Variants in EML6 observed in about 807,000 individuals in gnomAD.
The protein encoded by EML6 is echinoderm microtubule-associated protein-like 6.
A neutral mutation model predicts 240.1 loss-of-function variants in EML6; 154 were observed. That is an observed-to-expected ratio of 0.64 (90% CI 0.56 to 0.73). The LOEUF is 0.73. Ranked by LOEUF, EML6 falls within the 30% of genes least tolerant of loss-of-function variation. EML6 has a pLI of 0.00. For missense variants in EML6, 2,964 were observed against 2,474.6 expected (o/e 1.20, Z -4.20); for synonymous variants, 1,148 against 899.0 (o/e 1.28, Z -4.95).
rs1330081241 is a variant in EML6, at chr2:54,952,628, C to T, written c.4248C>T (p.Asp1416=). The T allele has an allele frequency of 1.5e-5, 23 of 1,551,198 alleles. No homozygotes were observed. Among genetic ancestry groups the T allele is most frequent in the Non-Finnish European group, 1.9e-5 (22 of 1,146,812 alleles). ...GCTTCTATCTGGAGCACACAGATGA[C>T]ATCCTCTGTCTCACAGTGAACCAGC... The part of the protein sequence containing the change: ...SQSFYLEHTD[D]ILCLTVNQHP... Residue 1416 remains aspartate (D), a synonymous_variant, in exon 31 of 42, where the codon GAC becomes GAT. Transcript: ENST00000356458.
At chr2:54,801,462 T>C (rs1039407176) in intron 2 of EML6, among the ~76,000 whole-genome samples, 3 of 152,230 alleles carry the variant, frequency 2.0e-5, no homozygotes, top group African/African-American at 7.2e-5. Context: ...GGAGGGATAC[T>C]CGTGTCAAAG....
chr2:54,918,515 T>G (rs1476710646), intron 26 of EML6, among the ~76,000 whole-genome samples: 2 of 152,052 alleles, frequency 1.3e-5, no homozygotes, highest in African/African-American at 4.8e-5. Flanking sequence ...CCCAGCTAAT[T>G]TTTTTACTTT....
chr2:54,804,918 C>T (rs765282761), intron 2 of EML6, among the ~76,000 whole-genome samples: 7 of 152,180 alleles, frequency 4.6e-5, no homozygotes, highest in Non-Finnish European at 8.8e-5. Flanking sequence ...CACTTTTCTT[C>T]TCCTCCCTGA....
In EML6 at chr2:54,971,033, C is replaced by T. The variant is rs1409823492; in HGVS notation, c.*938C>T. 6.6e-6 allele frequency: 1 copy of T among 152,192 alleles called. No homozygotes were observed. The highest frequency in any genetic ancestry group is 2.4e-5 in the African/African-American group (1 of 41,434). 9.4% of individuals were successfully genotyped at this position (152,192 alleles called of 1,614,324 possible). A position where few individuals can be genotyped will look rare whatever the true frequency, so the allele number is the denominator to read the frequency against. On this transcript the variant is annotated 3_prime_UTR_variant, in exon 42 of 42. Coordinates refer to ENST00000356458, the MANE Select transcript of EML6 (RefSeq NM_001039753.4). ...GCTCAGGAAGGTCTATGAGAATGAG[C>T]TGACTTATCTCGTTAAATCTTAAGA...
chr2:54,823,850 T>TTCTCTCTCTATCTCTCTCTC (rs1668445162), intron 5 of EML6, among the ~76,000 whole-genome samples: 1 of 72,262 alleles, frequency 1.4e-5, no homozygotes, highest in Non-Finnish European at 2.9e-5. Context: ...CATTCATTCA[T>TTCTCTCTCTATCTCTCTCTC]TCTCTCTCTC....
At position 54,827,768 on chromosome 2, in the gene EML6, G is replaced by A. The variant is rs1668666521; in HGVS notation, c.711+17G>A. ...GCACATAGTGTAAGTATTACCTTGT[G>A]GAAATCTGTGGGTGACCTACCAAAT... On this transcript the variant is annotated intron_variant, in intron 6 of 41. Transcript: ENST00000356458. The A allele has an allele frequency of 2.0e-6, 3 of 1,532,966 alleles. No individual in the cohort carries two copies. The highest frequency in any genetic ancestry group is 1.4e-5 in the African/African-American group (1 of 72,710). 95.0% of individuals were successfully genotyped at this position (1,532,966 alleles called of 1,614,324 possible). A position where few individuals can be genotyped will look rare whatever the true frequency, so the allele number is the denominator to read the frequency against.
chr2:54,800,007 A>G (rs1015340006), intron 2 of EML6, among the ~76,000 whole-genome samples: 1 of 152,160 alleles, frequency 6.6e-6, no homozygotes, highest in Non-Finnish European at 1.5e-5. Context: ...GCAATTTGAG[A>G]GGCTTGAGGC....
In EML6 at chr2:54,899,823, A is replaced by G. The variant is rs370552524; in HGVS notation, c.3124+41A>G. On this transcript the variant is annotated intron_variant, in intron 22 of 41. Coordinates refer to ENST00000356458, the MANE Select transcript of EML6 (RefSeq NM_001039753.4). Reference sequence around the variant, plus strand: ...TTACACATCTGTCAGAGTATTTACAAGTAACAGAATGTGTCATATTTATTC... The same window carrying G: ...TTACACATCTGTCAGAGTATTTACAGGTAACAGAATGTGTCATATTTATTC... 3.3e-5 allele frequency: 50 copies of G among 1,519,732 alleles called. 2 individuals carry two copies. In the African/African-American group the frequency reaches 3.7e-4, roughly 11 times the overall value. The allele number at this position is 1,519,732 out of a possible 1,614,324, so 94.1% of individuals were successfully genotyped here. A position where few individuals can be genotyped will look rare whatever the true frequency, so the allele number is the denominator to read the frequency against.
intron 38 of EML6, 96 bp from the exon 39 acceptor site, chr2:54,966,904 G>C (rs990842553): frequency 2.4e-5 from 18 of 749,454 alleles, no homozygotes; most frequent in East Asian, 5.6e-5. Context: ...CCCTAGGGAT[G>C]CAGAGGCTGG....
chr2:54,925,380 C>G (rs1345706334), intron 26 of EML6, among the ~76,000 whole-genome samples: 4 of 152,194 alleles, frequency 2.6e-5, no homozygotes, highest in African/African-American at 9.7e-5. Context: ...CCCAAGCAGA[C>G]TAATGTCCCA....
intron 3 of EML6, among the ~76,000 whole-genome samples, chr2:54,815,753 C>A (rs920235503): frequency 1.3e-5 from 2 of 152,192 alleles, no homozygotes; most frequent in African/African-American, 4.8e-5. Context: ...GTGAAGAAAG[C>A]TGAAGAATCC....
intron 4 of EML6, among the ~76,000 whole-genome samples, chr2:54,818,299 TG>T (rs1457410726): frequency 3.3e-5 from 5 of 152,104 alleles, no homozygotes; most frequent in Non-Finnish European, 5.9e-5. Context: ...TGGCCTCAGC[TG>T]CCCTCCATAT....
At chr2:54,948,514 A>G (rs1675803660) in intron 28 of EML6, among the ~76,000 whole-genome samples, 1 of 152,180 alleles carries the variant, frequency 6.6e-6, no homozygotes, top group Non-Finnish European at 1.5e-5. Context: ...AAGTCCAGGA[A>G]ATGTGGCCTC....
chr2:54,951,320 G>A (rs1162749954), intron 30 of EML6, among the ~76,000 whole-genome samples: 1 of 152,098 alleles, frequency 6.6e-6, no homozygotes, highest in East Asian at 1.9e-4. Context: ...ATCACCTGAG[G>A]TCAGGAGTTC....
intron 2 of EML6, among the ~76,000 whole-genome samples, chr2:54,790,239 T>C (rs1183324551): frequency 6.6e-6 from 1 of 152,218 alleles, no homozygotes; most frequent in African/African-American, 2.4e-5. Flanking sequence ...GCTGTGTGTA[T>C]GGTGACAATT....
At position 54,903,357 on chromosome 2, in the gene EML6, A is replaced by AT; in HGVS notation, c.3278-9dup. On this transcript the variant is annotated splice_polypyrimidine_tract_variant and intron_variant, in intron 23 of 41. Transcript: ENST00000356458. ...TAAAATGCTTCGATGTTAACCCCAC[A>AT]TTTTTCTTAACAGATACGGGAAAAT... 2 of 1,549,868 alleles carry AT rather than the reference A, an allele frequency of 1.3e-6. No individual in the cohort carries two copies. Among genetic ancestry groups the AT allele is most frequent in the South Asian group, 2.4e-5 (2 of 83,752 alleles).
chr2:54,968,095 C>A (rs1676828176), intron 39 of EML6, 33 bp from the exon 40 acceptor site: 1 of 1,548,294 alleles, frequency 6.5e-7, no homozygotes, highest in Non-Finnish European at 8.7e-7. Flanking sequence ...CCGTGACTTC[C>A]TTCTATCCTA....
chr2:54,858,958 T>C (rs193263152), intron 11 of EML6, among the ~76,000 whole-genome samples: 2 of 152,350 alleles, frequency 1.3e-5, no homozygotes, highest in Admixed American at 1.3e-4. Context: ...AGTGCCTTGA[T>C]GCCGCTGTGT....
At position 54,849,050 on chromosome 2, in the gene EML6, T is replaced by C. The variant is rs181314923; in HGVS notation, c.1188-912T>C. ...TCCATGGCGTATTTTTAAAACAATT[T>C]GACAAACCCCAACTTTTGAAACAAA... On this transcript the variant is annotated intron_variant, in intron 9 of 41. Transcript: ENST00000356458. 2.0e-3 allele frequency among the ~76,000 whole-genome samples: 304 copies of C among 152,304 alleles called. 1 individual carries two copies. Among genetic ancestry groups the C allele is most frequent in the African/African-American group, 6.2e-3 (258 of 41,540 alleles).
Sources: allele counts gnomAD v4.1 joint callset (sites outside exome capture counted in the v4.1 genomes callset), GRCh38; gene constraint gnomAD v4.1.1; transcripts MANE v1.5; gene names NCBI Gene and HGNC (gene_info 2026-07-23, HGNC 2026-07-21).